The following ANO10 variants were observed in gnomAD, a reference collection of about 807,000 sequenced individuals.
The protein encoded by ANO10 is anoctamin-10.
ANO10 carries 77 observed loss-of-function variants against 74.7 expected under a neutral mutation model. The ratio of observed to expected loss-of-function variants is 1.03; its 90% CI spans 0.86 to 1.25. The LOEUF (loss-of-function observed/expected upper bound fraction) is 1.25. Ranked by LOEUF, ANO10 falls within the 50% of genes most tolerant of loss-of-function variation. The pLI, the probability that ANO10 is intolerant of heterozygous loss-of-function variation, is 0.00. For missense variants in ANO10, 721 were observed against 778.1 expected, an observed-to-expected ratio of 0.93 and a Z score of 0.87; for synonymous variants, 279 against 284.9, an observed-to-expected ratio of 0.98 and a Z score of 0.21.
intron 1 of ANO10, among the ~76,000 whole-genome samples, chr3:43,609,548 T>C (rs1043071102): frequency 2.0e-5 from 3 of 152,238 alleles, no homozygotes; most frequent in Non-Finnish European, 2.9e-5. Context: ...TTTACGGTCA[T>C]ACATCACTTA....
chr3:43,597,812 G>C (rs574741078), intron 4 of ANO10, among the ~76,000 whole-genome samples: 3 of 152,006 alleles, frequency 2.0e-5, no homozygotes, highest in Admixed American at 1.3e-4. Flanking sequence ...CCAGCTACTG[G>C]GGAGGCTAAG....
intron 10 of ANO10, among the ~76,000 whole-genome samples, chr3:43,553,767 C>T (rs1481522330): frequency 6.6e-6 from 1 of 152,118 alleles, no homozygotes; most frequent in Non-Finnish European, 1.5e-5. Context: ...GAACTTCTGA[C>T]CTCATGATCT....
At chr3:43,481,696 C>T (rs1052240686) in intron 11 of ANO10, among the ~76,000 whole-genome samples, 1 of 152,172 alleles carries the variant, frequency 6.6e-6, no homozygotes, top group African/African-American at 2.4e-5. Context: ...TCAACAATCA[C>T]TTAATCTTAA....
chr3:43,385,306 T>C (rs1454959420), intron 12 of ANO10, among the ~76,000 whole-genome samples: 2 of 152,188 alleles, frequency 1.3e-5, no homozygotes, highest in Non-Finnish European at 2.9e-5. Context: ...TTTTACACTG[T>C]TGGTGGGAAT....
At chr3:43,412,722 T>C (rs79376222) in intron 12 of ANO10, among the ~76,000 whole-genome samples, 1 of 152,176 alleles carries the variant, frequency 6.6e-6, no homozygotes, top group Non-Finnish European at 1.5e-5. Flanking sequence ...TTCTCTATGG[T>C]AGAGCAATAT....
intron 1 of ANO10, among the ~76,000 whole-genome samples, chr3:43,648,308 A>T (rs1575578151): frequency 6.6e-6 from 1 of 152,186 alleles, no homozygotes; most frequent in Non-Finnish European, 1.5e-5. Context: ...GCCCTGTTAC[A>T]GGAAAGAGGT....
chr3:43,659,903 T>G (rs1470797160), intron 1 of ANO10, among the ~76,000 whole-genome samples: 2 of 152,132 alleles, frequency 1.3e-5, no homozygotes, highest in African/African-American at 2.4e-5. Context: ...CAGCAATATT[T>G]GCTGTTCTGC....
chr3:43,413,391 A>G (rs145440559), intron 12 of ANO10, among the ~76,000 whole-genome samples: 3 of 152,052 alleles, frequency 2.0e-5, no homozygotes, highest in African/African-American at 7.2e-5. Flanking sequence ...ATGGTTTAGC[A>G]CCATCCCTAA....
chr3:43,610,822 T>G (rs1459435491), intron 1 of ANO10, among the ~76,000 whole-genome samples: 1 of 152,198 alleles, frequency 6.6e-6, no homozygotes, highest in African/African-American at 2.4e-5. Flanking sequence ...CCTCAATAAT[T>G]TATTTAATGG....
chr3:43,598,103 T>A (rs1209911258), intron 4 of ANO10, among the ~76,000 whole-genome samples: 1 of 152,248 alleles, frequency 6.6e-6, no homozygotes, highest in Non-Finnish European at 1.5e-5. Context: ...TTCATTAAAA[T>A]GAAATCACAC....
intron 11 of ANO10, among the ~76,000 whole-genome samples, chr3:43,493,272 G>C (rs1282442985): frequency 6.6e-6 from 1 of 152,206 alleles, no homozygotes; most frequent in Non-Finnish European, 1.5e-5. Flanking sequence ...ACCAGAGCCT[G>C]TGGGGCATGG....
At chr3:43,485,035 G>A (rs2076416173) in intron 11 of ANO10, 16 of 1,436,858 alleles carry the variant, frequency 1.1e-5, no homozygotes, top group Admixed American at 1.9e-5. Context: ...TCAGGACCCG[G>A]TGGGGCAGCA....
chr3:43,489,072 A>T (rs1311825554), intron 11 of ANO10, among the ~76,000 whole-genome samples: 3 of 151,352 alleles, frequency 2.0e-5, no homozygotes, highest in Admixed American at 2.0e-4. Flanking sequence ...TCACAAGAAC[A>T]AAAAACCAAA....
chr3:43,442,186 A>C (rs2093170021), intron 11 of ANO10, among the ~76,000 whole-genome samples: 2 of 151,980 alleles, frequency 1.3e-5, no homozygotes, highest in South Asian at 4.1e-4. Context: ...AAAATAAATA[A>C]ATAAAAATAA....
At chr3:43,446,478 A>C (rs1456970768) in intron 11 of ANO10, among the ~76,000 whole-genome samples, 3 of 152,206 alleles carry the variant, frequency 2.0e-5, no homozygotes, top group Non-Finnish European at 4.4e-5. Flanking sequence ...TTATAACTGC[A>C]TATTTTTTTC....
intron 11 of ANO10, among the ~76,000 whole-genome samples, chr3:43,451,621 G>A (rs1333955815): frequency 4.0e-5 from 6 of 151,598 alleles, no homozygotes; most frequent in Non-Finnish European, 7.4e-5. Flanking sequence ...GGGATGAAGG[G>A]TGGGGATTAG....
intron 11 of ANO10, among the ~76,000 whole-genome samples, chr3:43,497,853 C>G (rs1030214266): frequency 1.3e-5 from 2 of 152,074 alleles, no homozygotes; most frequent in African/African-American, 4.8e-5. Context: ...ATTTTTGATA[C>G]TGTTTTTGCT....
At chr3:43,688,904 C>A (rs1479052147) in intron 1 of ANO10, among the ~76,000 whole-genome samples, 1 of 151,656 alleles carries the variant, frequency 6.6e-6, no homozygotes, top group Non-Finnish European at 1.5e-5. Context: ...GGTTAATTGG[C>A]TCATGGTTCT....
intron 1 of ANO10, among the ~76,000 whole-genome samples, chr3:43,631,534 G>C (rs1480545185): frequency 6.6e-6 from 1 of 152,036 alleles, no homozygotes; most frequent in African/African-American, 2.4e-5. Flanking sequence ...GCCAAGTTAG[G>C]TGTTCCAGCT....
Sources: allele counts gnomAD v4.1 joint callset (sites outside exome capture counted in the v4.1 genomes callset), GRCh38; gene constraint gnomAD v4.1.1; transcripts MANE v1.5; gene names NCBI Gene and HGNC (gene_info 2026-07-23, HGNC 2026-07-21).